The following LGR6 variants were observed in gnomAD, a reference collection of about 807,000 sequenced individuals.
The protein encoded by LGR6 is leucine-rich repeat-containing G protein-coupled receptor 6.
Under a neutral mutation model 69.4 loss-of-function variants are expected in LGR6, and 45 were observed. That is an observed-to-expected ratio of 0.65 (90% confidence interval 0.51 to 0.83). The LOEUF is 0.83. Among genes scored for constraint, LGR6 ranks in the 40% least tolerant of loss-of-function variants. The pLI, the probability that LGR6 is intolerant of heterozygous loss-of-function variation, is 0.00. For missense variants in LGR6, 1,108 were observed against 1,246.7 expected, an observed-to-expected ratio of 0.89 and a Z score of 1.68; for synonymous variants, 538 against 555.0, an observed-to-expected ratio of 0.97 and a Z score of 0.43.
chr1:202,249,153 G>A (rs181469046), intron 4 of LGR6, among the ~76,000 whole-genome samples: 182 of 152,264 alleles, frequency 1.2e-3, no homozygotes, highest in African/African-American at 4.1e-3. Flanking sequence ...CACACCAGTG[G>A]TGTCCATCAG....
chr1:202,251,080 CA>C (rs1663193714), intron 4 of LGR6, among the ~76,000 whole-genome samples: 1 of 152,114 alleles, frequency 6.6e-6, no homozygotes, highest in African/African-American at 2.4e-5. Flanking sequence ...GGAGTAAAAG[CA>C]GGAAAGCTAC....
intron 10 of LGR6, among the ~76,000 whole-genome samples, chr1:202,303,930 C>A (rs1296487060): frequency 6.6e-6 from 1 of 152,178 alleles, no homozygotes; most frequent in African/African-American, 2.4e-5. Context: ...GCTAGATTCA[C>A]TGGCATGTGG....
intron 6 of LGR6, among the ~76,000 whole-genome samples, chr1:202,291,230 C>T (rs751007125): frequency 1.3e-5 from 2 of 152,212 alleles, no homozygotes; most frequent in Admixed American, 6.5e-5. Context: ...CAGTCCTTCC[C>T]CCTCTGCTTC....
rs752994274 is a variant in LGR6, at chr1:202,225,481, T to G, written c.271T>G (p.Phe91Val). ...GCCTGGCCTCTTCCACCACCTGCGC[T>G]TCTTGGAGGAGCTGTGAGTAGATGC... ...LQPGLFHHLR[F>V]LEELRLSGNH... Residue 91 changes from phenylalanine to valine, a missense_variant, in exon 2 of 18, where the codon TTC (phenylalanine) becomes GTC (valine). Transcript: ENST00000367278. 1 of 1,613,444 alleles carries G rather than the reference T, an allele frequency of 6.2e-7. No homozygotes were observed. The highest frequency in any genetic ancestry group is 8.5e-7 in the Non-Finnish European group (1 of 1,179,482).
At chr1:202,206,810 C>T (rs546587492) in intron 1 of LGR6, among the ~76,000 whole-genome samples, 106 of 151,990 alleles carry the variant, frequency 7.0e-4, no homozygotes, top group African/African-American at 2.5e-3. Flanking sequence ...GGATTACAGG[C>T]GAGAGAGCTG....
intron 2 of LGR6, among the ~76,000 whole-genome samples, chr1:202,226,634 T>C (rs1243465345): frequency 6.6e-6 from 1 of 152,096 alleles, no homozygotes; most frequent in Non-Finnish European, 1.5e-5. Context: ...AAGCTCAAGG[T>C]GCTCTGGGAG....
At chr1:202,303,178 C>A in intron 9 of LGR6, 101 bp from the exon 10 acceptor site, 1 of 901,076 alleles carries the variant, frequency 1.1e-6, no homozygotes, top group South Asian at 1.4e-5. Flanking sequence ...ACATTGCCCC[C>A]AAAGGAGGAG....
chr1:202,288,016 C>G (rs939915617), intron 6 of LGR6, among the ~76,000 whole-genome samples: 1 of 152,156 alleles, frequency 6.6e-6, no homozygotes, highest in South Asian at 2.1e-4. Flanking sequence ...AAAAAAAAGC[C>G]AACATTCTGT....
At chr1:202,229,809 T>C (rs928455148) in intron 3 of LGR6, among the ~76,000 whole-genome samples, 22 of 152,228 alleles carry the variant, frequency 1.4e-4, no homozygotes, top group African/African-American at 5.3e-4. Context: ...CCAAAGCCTT[T>C]GTGTCAGTCC....
intron 6 of LGR6, among the ~76,000 whole-genome samples, chr1:202,285,834 C>G (rs1666352222): frequency 6.6e-6 from 1 of 152,200 alleles, no homozygotes; most frequent in Admixed American, 6.5e-5. Context: ...AACTTATTCT[C>G]TCACAGTTCT....
intron 4 of LGR6, among the ~76,000 whole-genome samples, chr1:202,260,617 C>A (rs1208347172): frequency 6.6e-6 from 1 of 152,234 alleles, no homozygotes; most frequent in African/African-American, 2.4e-5. Context: ...CGTGCTCTGC[C>A]AAATTCCCCA....
chr1:202,294,729 C>T (rs933465695), intron 6 of LGR6, among the ~76,000 whole-genome samples: 3 of 152,182 alleles, frequency 2.0e-5, no homozygotes, highest in African/African-American at 7.2e-5. Flanking sequence ...TTGGACCATG[C>T]CAGTCACAAG....
intron 13 of LGR6, 42 bp downstream of exon 13, chr1:202,306,981 G>A (rs373862939): frequency 1.6e-5 from 24 of 1,515,812 alleles, no homozygotes; most frequent in African/African-American, 8.2e-5. Context: ...AGGAGCCACC[G>A]TGTCCCTCTG....
intron 3 of LGR6, among the ~76,000 whole-genome samples, chr1:202,231,819 G>A (rs1661102785): frequency 6.6e-6 from 1 of 152,132 alleles, no homozygotes; most frequent in East Asian, 1.9e-4. Context: ...TGGGCTGGGT[G>A]CGGTGGCTCA....
At chr1:202,206,647 T>G (rs1032354748) in intron 1 of LGR6, among the ~76,000 whole-genome samples, 3 of 152,040 alleles carry the variant, frequency 2.0e-5, no homozygotes, top group Non-Finnish European at 4.4e-5. Context: ...CTCCCTGGGC[T>G]CAAGTGATCC....
chr1:202,276,215 C>T, intron 4 of LGR6, 91 bp from the exon 5 acceptor site: 1 of 1,017,638 alleles, frequency 9.8e-7, no homozygotes, highest in Non-Finnish European at 1.5e-6. Flanking sequence ...CCTCAAAGGC[C>T]CTGTTGAGGG....
chr1:202,265,414 C>A (rs1305531207), intron 4 of LGR6, among the ~76,000 whole-genome samples: 2 of 152,168 alleles, frequency 1.3e-5, no homozygotes, highest in African/African-American at 2.4e-5. Context: ...GGGATGAGCC[C>A]CAAGTGTTGG....
At chr1:202,198,837 AG>A (rs1181447080) in intron 1 of LGR6, among the ~76,000 whole-genome samples, 1 of 151,708 alleles carries the variant, frequency 6.6e-6, no homozygotes, top group Admixed American at 6.6e-5. Flanking sequence ...AACAGGGGAG[AG>A]CCAGCCTTGG....
chr1:202,284,823 G>C (rs752427267), intron 6 of LGR6, among the ~76,000 whole-genome samples: 2 of 152,212 alleles, frequency 1.3e-5, no homozygotes, highest in African/African-American at 4.8e-5. Context: ...GAACCCAGGA[G>C]GGGACAGGGC....
Sources: allele counts gnomAD v4.1 joint callset (sites outside exome capture counted in the v4.1 genomes callset), GRCh38; gene constraint gnomAD v4.1.1; transcripts MANE v1.5; gene names NCBI Gene and HGNC (gene_info 2026-07-23, HGNC 2026-07-21).